The following SLC22A23 variants were observed in gnomAD, a reference collection of about 807,000 sequenced individuals.
SLC22A23 encodes the protein solute carrier family 22 member 23.
A neutral mutation model predicts 61.0 loss-of-function variants in SLC22A23; 26 were observed. The observed-to-expected ratio is 0.43, with a 90% CI of 0.31 to 0.59. The LOEUF is 0.59. Among genes scored for constraint, SLC22A23 ranks in the 20% least tolerant of loss-of-function variants. The pLI, the probability that SLC22A23 is intolerant of heterozygous loss-of-function variation, is 0.11. For missense variants in SLC22A23, 796 were observed against 934.7 expected, an observed-to-expected ratio of 0.85 and a Z score of 1.94; for synonymous variants, 430 against 413.9, an observed-to-expected ratio of 1.04 and a Z score of -0.47.
intron 4 of SLC22A23, among the ~76,000 whole-genome samples, chr6:3,321,401 TACATGCACAC>T (rs66602029): frequency 0.059 from 8,987 of 152,060 alleles, 470 homozygotes; most frequent in East Asian, 0.24. Flanking sequence ...CACGTACACA[TACATGCACAC>T]ACATGCACAC....
rs3841311 is a variant in SLC22A23 at position 3,270,596 on chromosome 6, C to CCTCA, written c.*2455_*2458dup. The CCTCA allele has an allele frequency of 0.09, 13,668 of 152,420 alleles. 702 individuals carry two copies. The highest frequency in any genetic ancestry group is 0.17 in the Middle Eastern group (51 of 294). The allele number at this position is 152,420 out of a possible 1,614,324, so 9.4% of individuals were successfully genotyped here. A position where few individuals can be genotyped will look rare whatever the true frequency, so the allele number is the denominator to read the frequency against. ...TACCTGCCGACCGTCGGCAAGTCAG[C>CCTCA]CTCACACCCACTGGACTCTGCTCCC... On this transcript the variant is annotated 3_prime_UTR_variant, in exon 10 of 10. Coordinates refer to ENST00000406686, the MANE Select transcript of SLC22A23 (RefSeq NM_015482.2).
At chr6:3,284,034 G>T in intron 8 of SLC22A23, 59 bp from the exon 9 acceptor site, 1 of 1,526,800 alleles carries the variant, frequency 6.5e-7, no homozygotes, top group Non-Finnish European at 8.9e-7. Flanking sequence ...CAGGGTGGGA[G>T]GGAGGCCTGG....
chr6:3,405,267 TAA>T (rs1001198356), intron 3 of SLC22A23, among the ~76,000 whole-genome samples: 40 of 139,096 alleles, frequency 2.9e-4, no homozygotes, highest in African/African-American at 1.2e-3. Context: ...TCAAAAAATT[TAA>T]AAAAAAAAAA....
intron 3 of SLC22A23, among the ~76,000 whole-genome samples, chr6:3,337,818 G>A (rs1244667330): frequency 1.3e-5 from 2 of 152,220 alleles, no homozygotes; most frequent in African/African-American, 4.8e-5. Context: ...GTTGTGAAGG[G>A]GCTCAGAGTA....
chr6:3,389,065 C>A (rs183776446), intron 3 of SLC22A23, among the ~76,000 whole-genome samples: 1 of 151,724 alleles, frequency 6.6e-6, no homozygotes, highest in Non-Finnish European at 1.5e-5. Flanking sequence ...GTCAGGAGCT[C>A]GAGACCAGCC....
intron 1 of SLC22A23, among the ~76,000 whole-genome samples, chr6:3,441,308 T>G (rs1202485123): frequency 6.6e-6 from 1 of 152,168 alleles, no homozygotes; most frequent in Non-Finnish European, 1.5e-5. Context: ...CATCAAGTCC[T>G]AAAATCTCGT....
intron 1 of SLC22A23, chr6:3,438,423 G>A: frequency 2.3e-6 from 1 of 436,560 alleles, no homozygotes; most frequent in Non-Finnish European, 4.6e-6. Context: ...CAGGCTTGCT[G>A]CCTGGGCCCC....
intron 3 of SLC22A23, among the ~76,000 whole-genome samples, chr6:3,367,586 C>G (rs893208170): frequency 6.6e-6 from 1 of 152,038 alleles, no homozygotes; most frequent in Admixed American, 6.6e-5. Context: ...CTTTACAGTC[C>G]GGAGAGGAAA....
chr6:3,415,989 A>T, intron 1 of SLC22A23, 134 bp from the exon 2 acceptor site: 1 of 604,674 alleles, frequency 1.7e-6, no homozygotes. Flanking sequence ...TACACCAGTC[A>T]GAGTCTCTTC....
chr6:3,273,110 G>C lies in SLC22A23; in HGVS notation c.2006C>G (p.Ala669Gly), dbSNP rs755568717. The C allele has an allele frequency of 1.1e-5, 18 of 1,600,304 alleles. No individual in the cohort carries two copies. Among genetic ancestry groups the C allele is most frequent in the Non-Finnish European group, 1.5e-5 (18 of 1,174,894 alleles). Residue 669 changes from alanine to glycine, a missense_variant, in exon 10 of 10, where the codon GCC becomes GGC. Transcript: ENST00000406686. The part of the protein sequence containing the change: ...KDYSGLHDAA[A>G]AGDTLPEGAT... ...ACCCTCGGGCAGTGTGTCACCCGCG[G>C]CTGCGGCATCGTGGAGGCCCGAGTA...
intron 1 of SLC22A23, among the ~76,000 whole-genome samples, chr6:3,429,135 G>A (rs552098044): frequency 2.0e-5 from 3 of 152,180 alleles, no homozygotes; most frequent in African/African-American, 7.2e-5. Context: ...GGAAATTCTG[G>A]GATTTTAAAG....
In SLC22A23 at chr6:3,272,887, G is replaced by A. The variant is rs947468526; in HGVS notation, c.*168C>T. The A allele has an allele frequency of 1.9e-5, 11 of 587,934 alleles. No homozygotes were observed. Among genetic ancestry groups the A allele is most frequent in the African/African-American group, 9.4e-5 (5 of 53,194 alleles). The allele number at this position is 587,934 out of a possible 1,614,324, so 36.4% of individuals were successfully genotyped here. On this transcript the variant is annotated 3_prime_UTR_variant, in exon 10 of 10. Coordinates refer to ENST00000406686, the MANE Select transcript of SLC22A23 (RefSeq NM_015482.2). The stretch of plus-strand genomic sequence containing the variant: ...TATTTCCAAAGAGTTTGTCTCCTCC[G>A]ACCCGCGCTCCTTGGACTTTTGGAA...
intron 3 of SLC22A23, among the ~76,000 whole-genome samples, chr6:3,337,353 T>C (rs1241991382): frequency 6.6e-6 from 1 of 151,326 alleles, no homozygotes; most frequent in Non-Finnish European, 1.5e-5. Flanking sequence ...GGGAGAGTGG[T>C]GAGTATTCAG....
intron 5 of SLC22A23, among the ~76,000 whole-genome samples, chr6:3,294,431 G>A (rs1223722423): frequency 4.6e-5 from 7 of 152,148 alleles, no homozygotes; most frequent in Non-Finnish European, 1.0e-4. Flanking sequence ...TTTTGGATTT[G>A]GAAAGCTCAA....
intron 3 of SLC22A23, among the ~76,000 whole-genome samples, chr6:3,388,348 G>T (rs529960518): frequency 6.6e-6 from 1 of 152,234 alleles, no homozygotes; most frequent in East Asian, 1.9e-4. Flanking sequence ...ACATCAGAGT[G>T]GAAAGTGTAT....
intron 3 of SLC22A23, among the ~76,000 whole-genome samples, chr6:3,388,259 A>G (rs1215560833): frequency 6.6e-6 from 1 of 152,230 alleles, no homozygotes; most frequent in African/African-American, 2.4e-5. Context: ...GAGCTCACAT[A>G]CTTCCTCATG....
chr6:3,373,915 T>C (rs907331503), intron 3 of SLC22A23, among the ~76,000 whole-genome samples: 1 of 152,244 alleles, frequency 6.6e-6, no homozygotes, highest in Non-Finnish European at 1.5e-5. Flanking sequence ...CTAAGCACTT[T>C]GACGTTAACT....
At chr6:3,393,834 C>T (rs1285684960) in intron 3 of SLC22A23, among the ~76,000 whole-genome samples, 1 of 152,228 alleles carries the variant, frequency 6.6e-6, no homozygotes, top group Non-Finnish European at 1.5e-5. Flanking sequence ...CTTCATCCCT[C>T]TGAAAAGAGG....
At chr6:3,430,645 G>A (rs923726520) in intron 1 of SLC22A23, among the ~76,000 whole-genome samples, 2 of 152,192 alleles carry the variant, frequency 1.3e-5, no homozygotes, top group African/African-American at 4.8e-5. Flanking sequence ...CTATGCTGAG[G>A]GGTAAAGAGT....
Sources: allele counts gnomAD v4.1 joint callset (sites outside exome capture counted in the v4.1 genomes callset), GRCh38; gene constraint gnomAD v4.1.1; transcripts MANE v1.5; gene names NCBI Gene and HGNC (gene_info 2026-07-23, HGNC 2026-07-21).